LDLRAD3: variants seen among roughly 807,000 people sequenced by gnomAD.
The protein encoded by LDLRAD3 is low-density lipoprotein receptor class A domain-containing protein 3.
A neutral mutation model predicts 29.4 loss-of-function variants in LDLRAD3; 20 were observed. The observed-to-expected ratio is 0.68, with a 90% CI of 0.48 to 0.99. LDLRAD3 has a LOEUF of 0.99. LDLRAD3 is among the 50% of genes least tolerant of loss of function. LDLRAD3 has a pLI of 0.00. For missense variants in LDLRAD3, 420 were observed against 454.3 expected (o/e 0.92, Z 0.69); for synonymous variants, 157 against 192.7 (o/e 0.81, Z 1.53).
chr11:36,189,104 A>G (rs1271108172), intron 4 of LDLRAD3, among the ~76,000 whole-genome samples: 3 of 152,234 alleles, frequency 2.0e-5, no homozygotes, highest in African/African-American at 7.2e-5. Flanking sequence ...ACATATTTAT[A>G]GAATTTGCAA....
intron 1 of LDLRAD3, among the ~76,000 whole-genome samples, chr11:35,970,689 T>C (rs1269593017): frequency 6.6e-6 from 1 of 152,182 alleles, no homozygotes; most frequent in African/African-American, 2.4e-5. Flanking sequence ...GGTCACTCAG[T>C]TCATAAGTGG....
intron 3 of LDLRAD3, among the ~76,000 whole-genome samples, chr11:36,088,880 T>A (rs1853235149): frequency 6.6e-6 from 1 of 152,272 alleles, no homozygotes; most frequent in East Asian, 1.9e-4. Flanking sequence ...TGTCAACTCA[T>A]CAGAGAGGCC....
At chr11:36,088,147 A>G (rs917969452) in intron 3 of LDLRAD3, among the ~76,000 whole-genome samples, 2 of 151,686 alleles carry the variant, frequency 1.3e-5, no homozygotes, top group African/African-American at 2.4e-5. Context: ...GAGCCACCCC[A>G]CCCAGCCCCC....
At chr11:35,955,202 A>G (rs568137125) in intron 1 of LDLRAD3, among the ~76,000 whole-genome samples, 1 of 152,308 alleles carries the variant, frequency 6.6e-6, no homozygotes, top group Non-Finnish European at 1.5e-5. Context: ...CTGAGATTGC[A>G]CCACTGCACT....
At chr11:36,191,970 A>G (rs1283572175) in intron 4 of LDLRAD3, among the ~76,000 whole-genome samples, 2 of 152,258 alleles carry the variant, frequency 1.3e-5, no homozygotes, top group African/African-American at 4.8e-5. Context: ...GAGTGGGAAG[A>G]CAATAGATAA....
rs1275575156 is a variant in LDLRAD3, at chr11:35,944,519, C to G, written c.46+375C>G. Among the ~76,000 whole-genome samples the G allele has an allele frequency of 6.6e-6, 1 of 151,986 alleles. No individual in the cohort carries two copies. The highest frequency in any genetic ancestry group is 1.5e-5 in the Non-Finnish European group (1 of 67,972). On this transcript the variant is annotated intron_variant, in intron 1 of 5. Transcript: ENST00000315571. This position sits in a 1 kb window ranked among gnomAD's most constrained non-coding sequence, Gnocchi z 4.9. ...AAGGAAAGGAGAGGAGAGGAGAGAACTCTTCCCTGGTCTCATCTTCCCAGA... is the reference window on the plus strand; with the variant it reads ...AAGGAAAGGAGAGGAGAGGAGAGAAGTCTTCCCTGGTCTCATCTTCCCAGA...
intron 4 of LDLRAD3, among the ~76,000 whole-genome samples, chr11:36,210,230 G>C (rs35739875): frequency 6.6e-6 from 1 of 152,064 alleles, no homozygotes; most frequent in Non-Finnish European, 1.5e-5. Context: ...AATTCATTCT[G>C]CTGCCTGCCC....
chr11:35,948,323 C>A (rs548235925), intron 1 of LDLRAD3, among the ~76,000 whole-genome samples: 1 of 152,256 alleles, frequency 6.6e-6, no homozygotes, highest in African/African-American at 2.4e-5. Flanking sequence ...CTTTTCCCCT[C>A]TTTCTGTCTT....
At chr11:36,207,259 T>C (rs930342227) in intron 4 of LDLRAD3, among the ~76,000 whole-genome samples, 2 of 152,142 alleles carry the variant, frequency 1.3e-5, no homozygotes, top group Non-Finnish European at 2.9e-5. Context: ...TCATGGTTCT[T>C]AGAGCAAGCA....
At chr11:36,079,551 G>A (rs1853076897) in intron 2 of LDLRAD3, among the ~76,000 whole-genome samples, 1 of 152,138 alleles carries the variant, frequency 6.6e-6, no homozygotes, top group Non-Finnish European at 1.5e-5. Flanking sequence ...CAACTGGTTG[G>A]GGCTGATGTT....
chr11:36,201,286 G>C (rs868358694), intron 4 of LDLRAD3, among the ~76,000 whole-genome samples: 14 of 152,154 alleles, frequency 9.2e-5, no homozygotes, highest in African/African-American at 3.4e-4. Context: ...AGAAAAAATA[G>C]AGATGTGAGT....
rs150214334 is a variant in LDLRAD3 at position 36,171,509 on chromosome 11, A to G, written c.455-55576A>G. On this transcript the variant is annotated intron_variant, in intron 4 of 5. Transcript: ENST00000315571. ...TGAGGATCCAGTTTCATTCTTTTAC[A>G]TGAGGCTTGTCCATTTATCCCAACA... is the stretch of plus-strand genomic sequence containing the variant. Among the ~76,000 whole-genome samples, 466 of 152,278 alleles carry G rather than the reference A, an allele frequency of 3.1e-3. 1 individual carries two copies. The highest frequency in any genetic ancestry group is 6.8e-3 in the Middle Eastern group (2 of 294).
intron 1 of LDLRAD3, among the ~76,000 whole-genome samples, chr11:35,954,061 A>T (rs1851170792): frequency 6.6e-6 from 1 of 152,212 alleles, no homozygotes; most frequent in South Asian, 2.1e-4. Context: ...TGTAACAATA[A>T]ACATCGGTGG....
intron 1 of LDLRAD3, among the ~76,000 whole-genome samples, chr11:36,035,175 C>CT (rs11352330): frequency 8.4e-4 from 121 of 143,616 alleles, no homozygotes; most frequent in African/African-American, 2.7e-3. Flanking sequence ...AAGGACTGGT[C>CT]TTTTTTTTTT....
At chr11:35,974,003 A>G (rs1334875898) in intron 1 of LDLRAD3, among the ~76,000 whole-genome samples, 3 of 152,176 alleles carry the variant, frequency 2.0e-5, no homozygotes, top group African/African-American at 7.2e-5. Context: ...TAAACTGTTT[A>G]TAGCCTTTGC....
chr11:36,018,392 G>A (rs1269200617), intron 1 of LDLRAD3, among the ~76,000 whole-genome samples: 2 of 152,238 alleles, frequency 1.3e-5, no homozygotes, highest in African/African-American at 2.4e-5. Flanking sequence ...GTTAGTATGA[G>A]TTTATTTGGG....
At chr11:36,118,574 A>G (rs1853707529) in intron 4 of LDLRAD3, among the ~76,000 whole-genome samples, 1 of 152,110 alleles carries the variant, frequency 6.6e-6, no homozygotes. Flanking sequence ...TCTGCCAAGT[A>G]GAAGCCCTAA....
chr11:36,008,389 C>T (rs1851911017), intron 1 of LDLRAD3, among the ~76,000 whole-genome samples: 1 of 152,166 alleles, frequency 6.6e-6, no homozygotes, highest in African/African-American at 2.4e-5. Flanking sequence ...AAGACGGTAG[C>T]ATTCCTATTT....
At chr11:36,202,368 A>G (rs958967392) in intron 4 of LDLRAD3, among the ~76,000 whole-genome samples, 3 of 152,172 alleles carry the variant, frequency 2.0e-5, no homozygotes, top group Admixed American at 6.5e-5. Context: ...TGCAGGATGT[A>G]GGAATTGGAC....
Sources: gnomAD v4.1 joint callset for allele counts (sites outside exome capture counted in the v4.1 genomes callset) on GRCh38, gnomAD v4.1.1 for gene constraint, Gnocchi (gnomAD v3.1) non-coding constraint, MANE v1.5 for transcripts, NCBI Gene and HGNC (gene_info 2026-07-23, HGNC 2026-07-21) for gene names.